Variants in DOCK8 observed in about 807,000 individuals in gnomAD.
The protein encoded by DOCK8 is dedicator of cytokinesis 8, also known as dedicator of cytokinesis protein 8.
In DOCK8, 141 loss-of-function variants were observed where a neutral mutation model predicts 245.6. That is an observed-to-expected ratio of 0.57 (90% CI 0.50 to 0.66). The LOEUF (loss-of-function observed/expected upper bound fraction) is 0.66, where lower values mean the gene tolerates loss of function less well. Ranked by LOEUF, DOCK8 falls within the 30% of genes least tolerant of loss-of-function variation. The probability of loss-of-function intolerance (pLI) is 0.00; values close to 1 mark genes in which losing one functional copy is unlikely to be tolerated. For missense variants in DOCK8, 2,965 were observed against 2,603.4 expected (o/e 1.14, Z -3.02); for synonymous variants, 1,168 against 970.2 (o/e 1.20, Z -3.79).
intron 1 of DOCK8, among the ~76,000 whole-genome samples, chr9:246,434 G>C (rs568227284): frequency 1.8e-4 from 27 of 152,284 alleles, no homozygotes; most frequent in Middle Eastern, 3.4e-3. Flanking sequence ...AGAGGCTAAG[G>C]CAGGAGGATC....
chr9:400,977 T>TCACCACCTCCACCATCAC lies in DOCK8; in HGVS notation c.3234+1728_3234+1729insACCATCACCACCACCTCC, dbSNP rs1554692560. Among the ~76,000 whole-genome samples, 24 of 65,852 alleles carry TCACCACCTCCACCATCAC rather than the reference T, an allele frequency of 3.6e-4. 3 individuals are homozygous for TCACCACCTCCACCATCAC. In the East Asian group the frequency reaches 8.8e-3, roughly 24 times the overall value. 43.2% of individuals were successfully genotyped at this position (65,852 alleles called of 152,430 possible). On this transcript the variant is annotated intron_variant, in intron 26 of 47. Transcript: ENST00000432829. ...ACCACCACCACCACCTCCTCCACCA[T>TCACCACCTCCACCATCAC]CACCACCTCCTCCACCACCACCACC...
intron 14 of DOCK8, among the ~76,000 whole-genome samples, chr9:359,689 T>C (rs2052624231): frequency 6.6e-6 from 1 of 151,860 alleles, no homozygotes; most frequent in African/African-American, 2.4e-5. Context: ...AACAAATTGC[T>C]ATAGAGAGTA....
Position 225,194 on chromosome 9 carries a change from A to C in DOCK8, c.53+10165A>C, listed in dbSNP as rs534516549. The stretch of plus-strand genomic sequence containing the variant: ...GGGGTGAGTGGGTGACTATAAATGC[A>C]AAAGTTAGAGAGCATGGGGAACAGT... On this transcript the variant is annotated intron_variant, in intron 1 of 47. Transcript: ENST00000432829. Among the ~76,000 whole-genome samples the C allele has an allele frequency of 3.6e-4, 55 of 152,262 alleles. No homozygotes were observed. In the South Asian group the frequency reaches 9.5e-3, roughly 26 times the overall value.
chr9:361,219 C>T (rs1207766041), intron 14 of DOCK8, among the ~76,000 whole-genome samples: 3 of 152,040 alleles, frequency 2.0e-5, no homozygotes, highest in African/African-American at 4.8e-5. Context: ...ATCAGAGAGA[C>T]ATAGAGACTG....
intron 1 of DOCK8, among the ~76,000 whole-genome samples, chr9:248,541 CTT>C: frequency 6.7e-5 from 4 of 59,888 alleles, no homozygotes; most frequent in African/African-American, 2.2e-4. Context: ...CTCTTTCTTT[CTT>C]TCTTTCTCTC....
intron 47 of DOCK8, 117 bp from the exon 48 acceptor site, chr9:464,042 A>C: frequency 2.3e-6 from 2 of 888,086 alleles, no homozygotes; most frequent in Non-Finnish European, 3.8e-6. Flanking sequence ...GTTGTCCATG[A>C]CTGATGTCCA....
chr9:320,039 C>A (rs2050518778), intron 7 of DOCK8, among the ~76,000 whole-genome samples: 1 of 152,224 alleles, frequency 6.6e-6, no homozygotes, highest in Non-Finnish European at 1.5e-5. Flanking sequence ...AACCTGCATG[C>A]TGGCTAACTT....
At chr9:448,359 C>T (rs1488850657) in intron 44 of DOCK8, among the ~76,000 whole-genome samples, 1 of 152,178 alleles carries the variant, frequency 6.6e-6, no homozygotes, top group East Asian at 1.9e-4. Flanking sequence ...CCTCCTACCT[C>T]AGCCTCCCAA....
In DOCK8 at chr9:441,312, G is replaced by T. The variant is rs1329426200; in HGVS notation, c.5250G>T (p.Glu1750Asp). The T allele has an allele frequency of 1.9e-6, 3 of 1,614,060 alleles. No homozygotes were observed. The African/African-American group carries it at 4.0e-5, about 22-fold the overall frequency. The change falls in exon 41 of 48, where the codon GAG (glutamate) becomes GAT (aspartate). Residue 1750 changes from glutamate to aspartate, a missense_variant. This residue lies in a region of DOCK8 where 2,825 missense variants were observed against 2,453.5 expected (regional missense o/e 1.15). Coordinates refer to ENST00000432829, the MANE Select transcript of DOCK8 (RefSeq NM_203447.4). ...STGGLYETVN[E>D]VYKLVIPILE... The stretch of plus-strand genomic sequence containing the variant: ...GAGGCTTATATGAGACAGTTAATGA[G>T]GTCTACAAGCTGGTCATCCCCATCC...
In DOCK8 at chr9:429,596, C is replaced by T. The variant is rs559528394; in HGVS notation, c.4474-106C>T. ...ATCTTTATGGAATAATGCATTAACT[C>T]TTCTAGGCTTTTTGCTTGTCCAAAT... On this transcript the variant is annotated intron_variant, in intron 35 of 47. Coordinates refer to ENST00000432829, the MANE Select transcript of DOCK8 (RefSeq NM_203447.4). The T allele has an allele frequency of 1.4e-5, 19 of 1,376,282 alleles. No individual in the cohort carries two copies. In the South Asian group the frequency reaches 1.8e-4, roughly 13 times the overall value. The allele number at this position is 1,376,282 out of a possible 1,614,324, so 85.3% of individuals were successfully genotyped here. A position where few individuals can be genotyped will look rare whatever the true frequency, so the allele number is the denominator to read the frequency against.
chr9:349,717 A>C (rs891527578), intron 14 of DOCK8, among the ~76,000 whole-genome samples: 5 of 152,286 alleles, frequency 3.3e-5, no homozygotes, highest in Admixed American at 3.3e-4. Flanking sequence ...CAGTTTCGTT[A>C]TCCCATTAAC....
intron 10 of DOCK8, 76 bp from the exon 11 acceptor site, chr9:334,149 C>G: frequency 2.6e-6 from 4 of 1,535,364 alleles, no homozygotes; most frequent in Non-Finnish European, 3.6e-6. Context: ...TTGGAGATGG[C>G]TGTCATATTC....
chr9:299,921 C>T (rs1232505619), intron 4 of DOCK8, among the ~76,000 whole-genome samples: 1 of 151,444 alleles, frequency 6.6e-6, no homozygotes, highest in Non-Finnish European at 1.5e-5. Flanking sequence ...ACTCAGGAGA[C>T]TGAGGCAGGA....
At chr9:332,303 A>G (rs1282184293) in intron 9 of DOCK8, 95 bp from the exon 10 acceptor site, 1 of 861,992 alleles carries the variant, frequency 1.2e-6, no homozygotes, top group Non-Finnish European at 1.9e-6. Flanking sequence ...CTATGTCATC[A>G]AATATTGTCA....
At chr9:283,646 C>T (rs1308687969) in intron 2 of DOCK8, among the ~76,000 whole-genome samples, 2 of 152,154 alleles carry the variant, frequency 1.3e-5, no homozygotes, top group Admixed American at 6.5e-5. Flanking sequence ...CATGTGATAT[C>T]TGTCTTTCTG....
At position 277,457 on chromosome 9, in the gene DOCK8, GAGAGAAGAGAAGAGA is replaced by G. The variant is rs143194665; in HGVS notation, c.156+5747_156+5761del. Among the ~76,000 whole-genome samples the G allele has an allele frequency of 7.6e-4, 99 of 129,572 alleles. 11 individuals carry two copies. Among genetic ancestry groups the G allele is most frequent in the African/African-American group, 2.8e-3 (71 of 25,156 alleles). 85.0% of individuals were successfully genotyped at this position (129,572 alleles called of 152,430 possible). A position where few individuals can be genotyped will look rare whatever the true frequency, so the allele number is the denominator to read the frequency against. The stretch of plus-strand genomic sequence containing the variant: ...AAAAGAGAAGAGAGGAGAAGAGAAA[GAGAGAAGAGAAGAGA>G]AGAGAAGAGAAGAGAAGACATACAA... On this transcript the variant is annotated intron_variant, in intron 2 of 47. Coordinates refer to ENST00000432829, the MANE Select transcript of DOCK8 (RefSeq NM_203447.4).
intron 43 of DOCK8, among the ~76,000 whole-genome samples, chr9:444,462 A>G (rs1210558898): frequency 6.6e-6 from 1 of 152,136 alleles, no homozygotes; most frequent in Non-Finnish European, 1.5e-5. Flanking sequence ...GTATTATGAT[A>G]AAGGGTGAAC....
intron 14 of DOCK8, among the ~76,000 whole-genome samples, chr9:346,044 G>A (rs1274581020): frequency 6.6e-6 from 1 of 152,026 alleles, no homozygotes; most frequent in African/African-American, 2.4e-5. Context: ...GCCATGTGCA[G>A]CCTCTGTGGG....
chr9:251,502 G>A (rs561921963), intron 1 of DOCK8, among the ~76,000 whole-genome samples: 150 of 152,190 alleles, frequency 9.9e-4, no homozygotes, highest in African/African-American at 3.4e-3. Flanking sequence ...GAAAGCTTTC[G>A]CATGCTAAGC....
Sources: allele counts gnomAD v4.1 joint callset (sites outside exome capture counted in the v4.1 genomes callset), GRCh38; gene constraint gnomAD v4.1.1; regional missense constraint gnomAD v4.1.1; transcripts MANE v1.5; gene names NCBI Gene and HGNC (gene_info 2026-07-23, HGNC 2026-07-21).